Variants in ARHGAP6 observed in about 807,000 individuals in gnomAD.
ARHGAP6 encodes the protein rho GTPase-activating protein 6.
ARHGAP6 carries 16 observed loss-of-function variants against 55.7 expected under a neutral mutation model. That is an observed-to-expected ratio of 0.29 (90% CI 0.19 to 0.44). The LOEUF (loss-of-function observed/expected upper bound fraction) is 0.44. Ranked by LOEUF, ARHGAP6 falls within the 20% of genes least tolerant of loss-of-function variation. The probability of loss-of-function intolerance (pLI) is 1.00; values close to 1 mark genes in which losing one functional copy is unlikely to be tolerated. For synonymous variants in ARHGAP6, 382 were observed against 360.9 expected (o/e 1.06, Z -0.66); for missense variants, 698 against 808.9 (o/e 0.86, Z 1.66).
intron 1 of ARHGAP6, among the ~76,000 whole-genome samples, chrX:11,481,187 C>T (rs1310083487): frequency 9.0e-6 from 1 of 111,119 alleles, no homozygotes; most frequent in African/African-American, 3.3e-5. Context: ...TAGAGGCTTT[C>T]AGAATAGGGG....
intron 1 of ARHGAP6, among the ~76,000 whole-genome samples, chrX:11,600,699 A>T (rs766531038): frequency 1.8e-5 from 2 of 112,474 alleles, no homozygotes; most frequent in African/African-American, 6.4e-5. Context: ...GAGGTGTTCT[A>T]TACTATCGCC....
At chrX:11,292,606 A>C (rs1273204961) in intron 1 of ARHGAP6, among the ~76,000 whole-genome samples, 1 of 112,082 alleles carries the variant, frequency 8.9e-6, no homozygotes, top group East Asian at 2.8e-4. Flanking sequence ...TGAGAGGCCA[A>C]GCTGCTCTGT....
chrX:11,596,359 G>A (rs1388851344), intron 1 of ARHGAP6, among the ~76,000 whole-genome samples: 1 of 111,335 alleles, frequency 9.0e-6, no homozygotes, highest in African/African-American at 3.3e-5. Context: ...ACTCATAAGT[G>A]GGAGTTGAAC....
intron 1 of ARHGAP6, among the ~76,000 whole-genome samples, chrX:11,509,378 T>C (rs1024770129): frequency 8.9e-6 from 1 of 111,932 alleles, no homozygotes; most frequent in Non-Finnish European, 1.9e-5. Flanking sequence ...ATACAGCCTA[T>C]ATATAGAAGA....
intron 1 of ARHGAP6, among the ~76,000 whole-genome samples, chrX:11,431,329 C>A (rs2049938813): frequency 8.9e-6 from 1 of 112,672 alleles, no homozygotes; most frequent in Non-Finnish European, 1.9e-5. Flanking sequence ...ATTTCCAGAA[C>A]TGAATGCTGC....
chrX:11,414,959 T>C (rs962039511), intron 1 of ARHGAP6, among the ~76,000 whole-genome samples: 1 of 111,558 alleles, frequency 9.0e-6, no homozygotes, highest in Non-Finnish European at 1.9e-5. Context: ...TTGTTCAACA[T>C]GGTGACTATA....
chrX:11,250,714 C>A (rs2047412907), intron 2 of ARHGAP6, among the ~76,000 whole-genome samples: 1 of 111,659 alleles, frequency 9.0e-6, no homozygotes, highest in Non-Finnish European at 1.9e-5. Context: ...AGAATTTCTG[C>A]ACTTTAAAGT....
At chrX:11,619,375 A>G (rs1311597140) in intron 1 of ARHGAP6, among the ~76,000 whole-genome samples, 1 of 112,203 alleles carries the variant, frequency 8.9e-6, no homozygotes, top group Non-Finnish European at 1.9e-5. Context: ...AGCTCTTTGC[A>G]GCTCAAAAGC....
chrX:11,217,973 T>C (rs757730825), intron 2 of ARHGAP6, among the ~76,000 whole-genome samples: 2 of 111,881 alleles, frequency 1.8e-5, no homozygotes. Flanking sequence ...ATGGGGAATC[T>C]TTTCCCCGTT....
At chrX:11,514,582 T>C (rs936203465) in intron 1 of ARHGAP6, among the ~76,000 whole-genome samples, 2 of 110,192 alleles carry the variant, frequency 1.8e-5, no homozygotes, top group Admixed American at 9.8e-5. Context: ...AGAAGACAAA[T>C]TGCCTCCATT....
At chrX:11,611,035 T>C (rs966517017) in intron 1 of ARHGAP6, among the ~76,000 whole-genome samples, 3 of 113,023 alleles carry the variant, frequency 2.7e-5, no homozygotes, top group African/African-American at 9.6e-5. Context: ...TATTCCATTT[T>C]ATGGATGTAC....
chrX:11,195,364 A>G (rs2046517170), intron 3 of ARHGAP6, among the ~76,000 whole-genome samples: 1 of 109,907 alleles, frequency 9.1e-6, no homozygotes, highest in Non-Finnish European at 1.9e-5. Context: ...AAAAAAAAAA[A>G]GGCACAAAAA....
intron 1 of ARHGAP6, among the ~76,000 whole-genome samples, chrX:11,426,766 C>G (rs1178777366): frequency 1.8e-5 from 2 of 109,067 alleles, no homozygotes; most frequent in African/African-American, 3.4e-5. Context: ...ATATACTCAT[C>G]TAGTATCTGG....
chrX:11,257,888 A>G (rs1265856186), intron 1 of ARHGAP6, among the ~76,000 whole-genome samples: 1 of 111,775 alleles, frequency 8.9e-6, no homozygotes, highest in Admixed American at 9.5e-5. Flanking sequence ...GTTGAGTAAG[A>G]GGGGGCAGGG....
chrX:11,477,842 C>G (rs1315328344), intron 1 of ARHGAP6, among the ~76,000 whole-genome samples: 1 of 111,549 alleles, frequency 9.0e-6, no homozygotes, highest in East Asian at 2.8e-4. Context: ...TTGCCTGCTA[C>G]CAGGCACTGA....
chrX:11,440,256 T>C (rs1251369911), intron 1 of ARHGAP6, among the ~76,000 whole-genome samples: 1 of 112,646 alleles, frequency 8.9e-6, no homozygotes, highest in African/African-American at 3.2e-5. Context: ...GTAACTTCTA[T>C]GTCACGTCAT....
At chrX:11,614,040 C>T (rs2052134239) in intron 1 of ARHGAP6, among the ~76,000 whole-genome samples, 1 of 111,519 alleles carries the variant, frequency 9.0e-6, no homozygotes. Context: ...CAAATGGTCC[C>T]TGTGCGGGCA....
intron 1 of ARHGAP6, among the ~76,000 whole-genome samples, chrX:11,568,292 A>G (rs1404165835): frequency 8.9e-6 from 1 of 112,617 alleles, no homozygotes; most frequent in African/African-American, 3.2e-5. Flanking sequence ...TATTCACTTA[A>G]AAAATGTATT....
intron 1 of ARHGAP6, among the ~76,000 whole-genome samples, chrX:11,431,920 C>A (rs2049943991): frequency 2.7e-5 from 3 of 112,022 alleles, no homozygotes; most frequent in African/African-American, 9.8e-5. Flanking sequence ...TCAACCCCAG[C>A]ACTCTTGACA....
Sources: gnomAD v4.1 joint callset for allele counts (sites outside exome capture counted in the v4.1 genomes callset) on GRCh38, gnomAD v4.1.1 for gene constraint, MANE v1.5 for transcripts, NCBI Gene and HGNC (gene_info 2026-07-23, HGNC 2026-07-21) for gene names.